Variants in SPSB1 observed in about 807,000 individuals in gnomAD.
SPSB1 encodes the protein splA/ryanodine receptor domain and SOCS box containing 1.
A neutral mutation model predicts 21.2 loss-of-function variants in SPSB1; 8 were observed. The ratio of observed to expected loss-of-function variants is 0.38; its 90% confidence interval spans 0.22 to 0.68. The LOEUF (loss-of-function observed/expected upper bound fraction) is 0.68. Ranked by LOEUF, SPSB1 falls within the 30% of genes least tolerant of loss-of-function variation. The pLI is 0.53. For synonymous variants in SPSB1, 169 were observed against 161.7 expected (o/e 1.05, Z -0.34); for missense variants, 242 against 377.8 (o/e 0.64, Z 2.98).
Position 9,317,028 on chromosome 1 carries a change from G to C in SPSB1, c.-150+23957G>C, listed in dbSNP as rs578032393. Among the ~76,000 whole-genome samples, 2 of 152,180 alleles carry C rather than the reference G, an allele frequency of 1.3e-5. No homozygotes were observed. The highest frequency in any genetic ancestry group is 4.1e-4 in the South Asian group (2 of 4,832). On this transcript the variant is annotated intron_variant, in intron 1 of 2. Coordinates refer to ENST00000328089, the MANE Select transcript of SPSB1 (RefSeq NM_025106.4). The surrounding 1 kb of genome is among the most constrained non-coding windows in gnomAD (Gnocchi z 4.3). ...TTCCTGCTTCCAAGTGGAAACACAC[G>C]GTGGAATTTAGAATCCTTAACCTGG... is the stretch of plus-strand genomic sequence containing the variant.
intron 2 of SPSB1, among the ~76,000 whole-genome samples, chr1:9,366,437 G>T (rs1392946349): frequency 1.3e-5 from 2 of 152,230 alleles, no homozygotes; most frequent in African/African-American, 2.4e-5. Flanking sequence ...TATGATTCAG[G>T]ACAGGGTTTG....
intron 2 of SPSB1, among the ~76,000 whole-genome samples, chr1:9,359,437 C>T (rs566755131): frequency 6.6e-6 from 1 of 152,244 alleles, no homozygotes; most frequent in Admixed American, 6.5e-5. Flanking sequence ...GGCGCGGTGG[C>T]TCATGCCTGT....
At chr1:9,301,751 C>A (rs1461698814) in intron 1 of SPSB1, among the ~76,000 whole-genome samples, 1 of 152,202 alleles carries the variant, frequency 6.6e-6, no homozygotes, top group Non-Finnish European at 1.5e-5. Flanking sequence ...CCAAAGCCGA[C>A]CTGGCTATGG....
At chr1:9,361,475 C>A (rs774786838) in intron 2 of SPSB1, among the ~76,000 whole-genome samples, 1 of 152,148 alleles carries the variant, frequency 6.6e-6, no homozygotes, top group Non-Finnish European at 1.5e-5. Context: ...AGTTTGCCTG[C>A]GTGTGTGCCT....
chr1:9,330,068 A>G (rs1639889345), intron 1 of SPSB1, among the ~76,000 whole-genome samples: 1 of 152,252 alleles, frequency 6.6e-6, no homozygotes, highest in South Asian at 2.1e-4. Flanking sequence ...TTCTGAGGAC[A>G]CAAGGCATCT....
intron 2 of SPSB1, among the ~76,000 whole-genome samples, chr1:9,359,115 A>G (rs1452710813): frequency 1.3e-5 from 2 of 152,238 alleles, no homozygotes; most frequent in African/African-American, 2.4e-5. Flanking sequence ...GCCGGGCGCT[A>G]TTAGTCAGTG....
intron 1 of SPSB1, among the ~76,000 whole-genome samples, chr1:9,332,938 A>G (rs1403439886): frequency 6.6e-6 from 1 of 152,252 alleles, no homozygotes; most frequent in Admixed American, 6.5e-5. Flanking sequence ...AGGAGAGGGC[A>G]TCGGCTGTGG....
At chr1:9,330,412 C>T (rs1382642472) in intron 1 of SPSB1, among the ~76,000 whole-genome samples, 3 of 152,086 alleles carry the variant, frequency 2.0e-5, no homozygotes, top group Admixed American at 1.3e-4. Flanking sequence ...TTGCAGTGAG[C>T]CAAGATTGTG....
chr1:9,326,591 C>T (rs1284722112), intron 1 of SPSB1, among the ~76,000 whole-genome samples: 4 of 152,174 alleles, frequency 2.6e-5, no homozygotes, highest in Non-Finnish European at 4.4e-5. Flanking sequence ...GGGTGTGAGT[C>T]TGAGAGCCCC....
At chr1:9,316,489 G>A (rs779855591) in intron 1 of SPSB1, among the ~76,000 whole-genome samples, 12 of 152,222 alleles carry the variant, frequency 7.9e-5, no homozygotes, top group Non-Finnish European at 1.2e-4. Flanking sequence ...TGATGGGCAC[G>A]TAGGGCAGGG....
In SPSB1 at chr1:9,367,827, GA is replaced by G; in HGVS notation, c.*258del. 1.3e-5 allele frequency: 7 copies of G among 538,580 alleles called. No individual in the cohort carries two copies. The highest frequency in any genetic ancestry group is 2.3e-5 in the Non-Finnish European group (7 of 307,618). The allele number at this position is 538,580 out of a possible 1,614,324, so 33.4% of individuals were successfully genotyped here. A position where few individuals can be genotyped will look rare whatever the true frequency, so the allele number is the denominator to read the frequency against. ...TGCCGTCCGTATACAACCCCTCTTT[GA>G]AAAAAGACACAGAGAATAAACTCCT... On this transcript the variant is annotated 3_prime_UTR_variant, in exon 3 of 3. Transcript: ENST00000328089. This position sits in a 1 kb window ranked among gnomAD's most constrained non-coding sequence, Gnocchi z 5.9.
At position 9,349,074 on chromosome 1, in the gene SPSB1, C is replaced by T. The variant is rs144440810; in HGVS notation, c.-149-6669C>T. Among the ~76,000 whole-genome samples the T allele has an allele frequency of 2.0e-4, 30 of 152,268 alleles. No homozygotes were observed. The East Asian group carries it at 4.2e-3, about 22-fold the overall frequency. On this transcript the variant is annotated intron_variant, in intron 1 of 2. Transcript: ENST00000328089. ...CCCAGGGCTTCGTGTCATCTGGTGT[C>T]CCCGCAGGTAGCCCCTCCCCCTCCT...
At position 9,345,062 on chromosome 1, in the gene SPSB1, C is replaced by T. The variant is rs1052320670; in HGVS notation, c.-149-10681C>T. ...GCAGACTTTGGATGCACTCCAGCCT[C>T]TTCCTCTCAGGCCAGGCAGCCCTGA... On this transcript the variant is annotated intron_variant, in intron 1 of 2. Transcript: ENST00000328089. This position sits in a 1 kb window ranked among gnomAD's most constrained non-coding sequence, Gnocchi z 4.8. Among the ~76,000 whole-genome samples the T allele has an allele frequency of 6.6e-6, 1 of 152,208 alleles. No individual in the cohort carries two copies. The highest frequency in any genetic ancestry group is 1.5e-5 in the Non-Finnish European group (1 of 68,038).
At chr1:9,364,750 C>A (rs1233635540) in intron 2 of SPSB1, among the ~76,000 whole-genome samples, 1 of 152,190 alleles carries the variant, frequency 6.6e-6, no homozygotes, top group Non-Finnish European at 1.5e-5. Context: ...TGGCTGTGAC[C>A]GTCCATGGGG....
At chr1:9,325,251 C>T (rs374846608) in intron 1 of SPSB1, among the ~76,000 whole-genome samples, 2 of 151,206 alleles carry the variant, frequency 1.3e-5, no homozygotes, top group South Asian at 2.1e-4. Flanking sequence ...CCGCCTCCAC[C>T]GGTGCAGATG....
chr1:9,367,641 G>T lies in SPSB1; in HGVS notation c.*66G>T. ...CAACTCACTGAGCCGCCTGCCGCTG[G>T]GGCCGCCGCACCCTGCACCTTGGAC... On this transcript the variant is annotated 3_prime_UTR_variant, in exon 3 of 3. Coordinates refer to ENST00000328089, the MANE Select transcript of SPSB1 (RefSeq NM_025106.4). This position sits in a 1 kb window ranked among gnomAD's most constrained non-coding sequence, Gnocchi z 5.9. 2.6e-6 allele frequency: 4 copies of T among 1,519,364 alleles called. No homozygotes were observed. Among genetic ancestry groups the T allele is most frequent in the East Asian group, 2.4e-5 (1 of 40,896 alleles). 94.1% of individuals were successfully genotyped at this position (1,519,364 alleles called of 1,614,324 possible).
At chr1:9,308,523 C>T (rs1300195545) in intron 1 of SPSB1, among the ~76,000 whole-genome samples, 1 of 152,238 alleles carries the variant, frequency 6.6e-6, no homozygotes, top group East Asian at 1.9e-4. Context: ...CCTGCCTTTT[C>T]CCTCCCATGC....
At chr1:9,294,821 T>C (rs540143528) in intron 1 of SPSB1, among the ~76,000 whole-genome samples, 22 of 152,256 alleles carry the variant, frequency 1.4e-4, no homozygotes, top group African/African-American at 4.1e-4. Flanking sequence ...CCTTCTGCCC[T>C]GTCCCCCTCC....
At chr1:9,306,257 G>T (rs551024020) in intron 1 of SPSB1, among the ~76,000 whole-genome samples, 1 of 152,338 alleles carries the variant, frequency 6.6e-6, no homozygotes, top group South Asian at 2.1e-4. Flanking sequence ...GGCCTTCCTA[G>T]CCGCGTCCTG....
Sources: allele counts gnomAD v4.1 joint callset (sites outside exome capture counted in the v4.1 genomes callset), GRCh38; gene constraint gnomAD v4.1.1; non-coding constraint Gnocchi (gnomAD v3.1); transcripts MANE v1.5; gene names NCBI Gene and HGNC (gene_info 2026-07-23, HGNC 2026-07-21).